Variants in VAV3 observed in about 807,000 individuals in gnomAD.
The protein encoded by VAV3 is vav guanine nucleotide exchange factor 3.
In VAV3, 94 loss-of-function variants were observed where a neutral mutation model predicts 131.2. The observed-to-expected ratio is 0.72, with a 90% CI of 0.61 to 0.85. The LOEUF is 0.85. Among genes scored for constraint, VAV3 ranks in the 40% least tolerant of loss-of-function variants. The pLI is 0.00. For synonymous variants in VAV3, 349 were observed against 342.0 expected (o/e 1.02, Z -0.22); for missense variants, 939 against 1,002.7 (o/e 0.94, Z 0.86).
intron 20 of VAV3, among the ~76,000 whole-genome samples, chr1:107,632,203 T>A (rs1212793843): frequency 4.6e-5 from 7 of 152,190 alleles, no homozygotes; most frequent in Non-Finnish European, 8.8e-5. Flanking sequence ...ACCAATTAGA[T>A]AATCAAATCA....
At chr1:107,619,241 T>TGGAAAAAATGTAGAGAGAA (rs1389729575) in intron 20 of VAV3, among the ~76,000 whole-genome samples, 1 of 152,048 alleles carries the variant, frequency 6.6e-6, no homozygotes, top group African/African-American at 2.4e-5. Context: ...CTGCATCACT[T>TGGAAAAAATGTAGAGAGAA]GGAAAAAATG....
intron 9 of VAV3, among the ~76,000 whole-genome samples, chr1:107,761,995 T>G (rs1054832802): frequency 7.2e-5 from 11 of 152,004 alleles, no homozygotes; most frequent in Non-Finnish European, 1.0e-4. Context: ...TGACTTTGAG[T>G]AAATTACTTT....
chr1:107,729,387 T>C (rs1390251480), intron 15 of VAV3, among the ~76,000 whole-genome samples: 1 of 152,190 alleles, frequency 6.6e-6, no homozygotes, highest in African/African-American at 2.4e-5. Context: ...GTTGCTGTTG[T>C]TATCCAAGGG....
At chr1:107,688,053 CACA>C (rs1659155958) in intron 18 of VAV3, among the ~76,000 whole-genome samples, 3 of 152,172 alleles carry the variant, frequency 2.0e-5, no homozygotes, top group African/African-American at 4.8e-5. Flanking sequence ...CGGGCAGTGA[CACA>C]ACATTTCATG....
At chr1:107,872,355 A>T (rs1670293828) in intron 2 of VAV3, among the ~76,000 whole-genome samples, 1 of 152,222 alleles carries the variant, frequency 6.6e-6, no homozygotes, top group Non-Finnish European at 1.5e-5. Flanking sequence ...TGGCAAAAAG[A>T]TGCCAAATAC....
chr1:107,693,101 C>T (rs2101793570), intron 17 of VAV3, among the ~76,000 whole-genome samples: 1 of 152,160 alleles, frequency 6.6e-6, no homozygotes, highest in African/African-American at 2.4e-5. Context: ...TGCAGTGACT[C>T]GTTCAGAGAA....
intron 7 of VAV3, among the ~76,000 whole-genome samples, 162 bp downstream of exon 7, chr1:107,768,279 A>G (rs1355611597): frequency 6.6e-6 from 1 of 152,248 alleles, no homozygotes; most frequent in African/African-American, 2.4e-5. Flanking sequence ...AGTTATTTCA[A>G]GAAAATAAGG....
rs775028212 is a variant in VAV3, at chr1:107,704,639, T to A, written c.1616A>T (p.Tyr539Phe). ...ACACTTAAAACATAAATAGCCTTGA[T>A]AAAATGTTCCCCTGAAAGGTGAAAT... ...VCQMLLRGTF[Y>F]QGYLCFKCGA... The change falls in exon 17 of 27, where the codon TAT becomes TTT. Residue 539 changes from tyrosine (Y) to phenylalanine (F), a missense_variant. Coordinates refer to ENST00000370056, the MANE Select transcript of VAV3 (RefSeq NM_006113.5). 9 of 1,613,232 alleles carry A rather than the reference T, an allele frequency of 5.6e-6. No homozygotes were observed. The highest frequency in any genetic ancestry group is 7.6e-6 in the Non-Finnish European group (9 of 1,179,592).
intron 17 of VAV3, among the ~76,000 whole-genome samples, chr1:107,704,260 A>G (rs146064091): frequency 3.7e-4 from 57 of 152,242 alleles, no homozygotes; most frequent in African/African-American, 1.3e-3. Flanking sequence ...TTAGTCATTT[A>G]TTTAGGGCTT....
At chr1:107,836,020 C>T (rs1668463554) in intron 2 of VAV3, among the ~76,000 whole-genome samples, 1 of 152,176 alleles carries the variant, frequency 6.6e-6, no homozygotes, top group Non-Finnish European at 1.5e-5. Flanking sequence ...AACACTGGAG[C>T]ATCCAGATTC....
chr1:107,748,233 C>T (rs1365648972), intron 15 of VAV3, among the ~76,000 whole-genome samples: 1 of 152,142 alleles, frequency 6.6e-6, no homozygotes. Context: ...TTAATTTCCC[C>T]TTTTGCTAAC....
At chr1:107,657,111 C>T (rs973288170) in intron 19 of VAV3, among the ~76,000 whole-genome samples, 3 of 152,016 alleles carry the variant, frequency 2.0e-5, no homozygotes, top group African/African-American at 7.2e-5. Context: ...TGCACCACTA[C>T]ACCTGGCTGA....
intron 2 of VAV3, among the ~76,000 whole-genome samples, chr1:107,857,577 A>G (rs1327736514): frequency 6.6e-6 from 1 of 151,914 alleles, no homozygotes; most frequent in Non-Finnish European, 1.5e-5. Flanking sequence ...TTCCATTTCA[A>G]CTCTTTTCAA....
intron 1 of VAV3, among the ~76,000 whole-genome samples, chr1:107,895,064 A>G (rs1015463881): frequency 2.6e-5 from 4 of 152,136 alleles, no homozygotes; most frequent in African/African-American, 9.7e-5. Context: ...TGGGGGAATG[A>G]GGAGAAATCA....
intron 21 of VAV3, among the ~76,000 whole-genome samples, chr1:107,612,039 C>T (rs1366918547): frequency 6.6e-6 from 1 of 152,018 alleles, no homozygotes; most frequent in Non-Finnish European, 1.5e-5. Context: ...TTTCTCCCAG[C>T]ACCATAGTCC....
intron 1 of VAV3, among the ~76,000 whole-genome samples, chr1:107,947,463 A>G (rs1674324065): frequency 6.6e-6 from 1 of 152,152 alleles, no homozygotes; most frequent in Admixed American, 6.5e-5. Flanking sequence ...GGACAGGAGA[A>G]GGGAAAGAAT....
chr1:107,914,095 T>C (rs1672500307), intron 1 of VAV3, among the ~76,000 whole-genome samples: 1 of 152,208 alleles, frequency 6.6e-6, no homozygotes, highest in African/African-American at 2.4e-5. Context: ...ATGGTTGGTT[T>C]TTATATAACT....
At chr1:107,755,340 G>C (rs1664040173) in intron 12 of VAV3, 87 bp downstream of exon 12, 1 of 1,041,508 alleles carries the variant, frequency 9.6e-7, no homozygotes, top group African/African-American at 1.6e-5. Context: ...GAAACTTGAA[G>C]GTAAACTATG....
At chr1:107,859,814 C>T (rs184099914) in intron 2 of VAV3, among the ~76,000 whole-genome samples, 1 of 152,196 alleles carries the variant, frequency 6.6e-6, no homozygotes, top group Admixed American at 6.5e-5. Flanking sequence ...AATGTCTGAA[C>T]CTTTATTCAA....
Sources: allele counts gnomAD v4.1 joint callset (sites outside exome capture counted in the v4.1 genomes callset), GRCh38; gene constraint gnomAD v4.1.1; transcripts MANE v1.5; gene names NCBI Gene and HGNC (gene_info 2026-07-23, HGNC 2026-07-21).